RP1: variants seen among roughly 807,000 people sequenced by gnomAD.
RP1 encodes the protein RP1 axonemal microtubule associated.
RP1 carries 16 observed loss-of-function variants against 14.8 expected under a neutral mutation model. The ratio of observed to expected loss-of-function variants is 1.08; its 90% CI spans 0.73 to 1.65. The LOEUF is 1.65. Ranked by LOEUF, RP1 falls within the 40% of genes most tolerant of loss-of-function variation. RP1 has a pLI of 0.00. For missense variants in RP1, 2,631 were observed against 2,535.0 expected, an observed-to-expected ratio of 1.04 and a Z score of -0.81; for synonymous variants, 876 against 883.6, an observed-to-expected ratio of 0.99 and a Z score of 0.15.
intron 17 of RP1, among the ~76,000 whole-genome samples, chr8:54,729,909 TG>T (rs1484447971): frequency 6.6e-6 from 1 of 152,088 alleles, no homozygotes; most frequent in African/African-American, 2.4e-5. Flanking sequence ...TGGTTATTCT[TG>T]TTGTAATTTT....
chr8:54,856,005 A>C (rs954336751), intron 26 of RP1, among the ~76,000 whole-genome samples: 39 of 152,012 alleles, frequency 2.6e-4, no homozygotes, highest in African/African-American at 8.5e-4. Flanking sequence ...CAACATAAAT[A>C]TATGCAGATA....
At chr8:54,700,496 G>T (rs1000952814) in intron 13 of RP1, among the ~76,000 whole-genome samples, 15 of 151,940 alleles carry the variant, frequency 9.9e-5, no homozygotes, top group Non-Finnish European at 1.9e-4. Flanking sequence ...TTTCTTCTCT[G>T]CTCTGGACTT....
At chr8:54,790,409 A>G (rs928547394) in intron 24 of RP1, among the ~76,000 whole-genome samples, 6 of 152,214 alleles carry the variant, frequency 3.9e-5, no homozygotes, top group Non-Finnish European at 8.8e-5. Context: ...ACAGTCACCA[A>G]TGCAAGAATA....
At chr8:54,584,401 C>G (rs7837600) in intron 1 of RP1, among the ~76,000 whole-genome samples, 45,730 of 151,958 alleles carry the variant, frequency 0.3, 8,251 homozygotes, top group Non-Finnish European at 0.41. Flanking sequence ...TGCATTTGCT[C>G]AGGAGTGCTT....
chr8:54,719,646 T>G (rs1265138908), intron 15 of RP1, among the ~76,000 whole-genome samples: 1 of 152,196 alleles, frequency 6.6e-6, no homozygotes, highest in Non-Finnish European at 1.5e-5. Context: ...TCCTCTACAG[T>G]CTTTGCATCA....
intron 7 of RP1, among the ~76,000 whole-genome samples, chr8:54,665,618 C>T (rs1256508622): frequency 6.6e-6 from 1 of 152,170 alleles, no homozygotes; most frequent in Non-Finnish European, 1.5e-5. Context: ...TGGCAAATGC[C>T]TGCACTCCTA....
At chr8:54,756,836 C>T (rs935902310) in intron 21 of RP1, among the ~76,000 whole-genome samples, 16 of 152,124 alleles carry the variant, frequency 1.1e-4, no homozygotes, top group Admixed American at 2.6e-4. Context: ...TATCATGGGA[C>T]GTTACCTGCT....
At chr8:54,787,581 A>G (rs1458528748) in intron 24 of RP1, among the ~76,000 whole-genome samples, 1 of 152,112 alleles carries the variant, frequency 6.6e-6, no homozygotes, top group Non-Finnish European at 1.5e-5. Context: ...TCGGCTTTTT[A>G]TTGCATTTTT....
At chr8:54,717,006 C>T (rs898528413) in intron 15 of RP1, among the ~76,000 whole-genome samples, 2 of 152,066 alleles carry the variant, frequency 1.3e-5, no homozygotes, top group Non-Finnish European at 2.9e-5. Context: ...AGTCATTTGT[C>T]CCAGGCCCCT....
At chr8:54,642,951 T>C (rs1369172036) in intron 3 of RP1, among the ~76,000 whole-genome samples, 3 of 152,186 alleles carry the variant, frequency 2.0e-5, no homozygotes, top group African/African-American at 7.2e-5. Flanking sequence ...TCTTCAGTTA[T>C]AAGGGAGGTT....
At chr8:54,870,022 T>C (rs1812552961) in exon 29 of RP1, 2 of 678,132 alleles carry the variant, frequency 2.9e-6, no homozygotes, top group Non-Finnish European at 4.1e-6. Context: ...TGTCTTTTGC[T>C]TGGGCTGGAG....
intron 19 of RP1, among the ~76,000 whole-genome samples, chr8:54,739,948 G>T (rs1267751493): frequency 6.6e-6 from 1 of 151,738 alleles, no homozygotes; most frequent in Non-Finnish European, 1.5e-5. Flanking sequence ...AACCTACTGT[G>T]CTGCCAGTTG....
intron 1 of RP1, among the ~76,000 whole-genome samples, chr8:54,580,924 T>C (rs1804776087): frequency 6.6e-6 from 1 of 152,192 alleles, no homozygotes; most frequent in African/African-American, 2.4e-5. Flanking sequence ...GCCCAACATA[T>C]ACATTTTTAA....
rs772687396 is a variant in RP1, at chr8:54,624,963, AATG to A, written c.1086_1088del (p.Asp362del). The stretch of plus-strand genomic sequence containing the variant: ...TGTCAGTAAAACTGGTCCTTCTAAT[AATG>A]ATGAAAAGAGTGAGATGAGTTTTCC... On this transcript the variant is annotated inframe_deletion, in exon 4 of 4. Transcript: ENST00000220676. The A allele has an allele frequency of 6.2e-7, 1 of 1,614,192 alleles. No individual in the cohort carries two copies. The highest frequency in any genetic ancestry group is 8.5e-7 in the Non-Finnish European group (1 of 1,180,028).
At chr8:54,708,495 A>G (rs1808212073) in intron 15 of RP1, among the ~76,000 whole-genome samples, 2 of 152,078 alleles carry the variant, frequency 1.3e-5, no homozygotes, top group Admixed American at 1.3e-4. Context: ...TAGGGACTAC[A>G]GGTGCCTGCC....
At chr8:54,663,982 GT>G in intron 7 of RP1, 1 of 864,592 alleles carries the variant, frequency 1.2e-6, no homozygotes. Context: ...TCACATTTCT[GT>G]GCAACAGATC....
At chr8:54,618,130 C>T (rs948722381) in intron 1 of RP1, among the ~76,000 whole-genome samples, 12 of 152,160 alleles carry the variant, frequency 7.9e-5, no homozygotes, top group Non-Finnish European at 1.8e-4. Flanking sequence ...CAACAAGGTG[C>T]CTGGCAACCA....
At chr8:54,818,915 A>G (rs1307680211) in intron 24 of RP1, among the ~76,000 whole-genome samples, 1 of 152,148 alleles carries the variant, frequency 6.6e-6, no homozygotes, top group Non-Finnish European at 1.5e-5. Context: ...AAGTAGGGGC[A>G]GAAAAGAGAA....
rs943208029 is a variant in RP1 at position 54,696,411 on chromosome 8, A to C, written c.1718-3056A>C. 8.6e-6 allele frequency: 6 copies of C among 699,310 alleles called. No individual in the cohort carries two copies. In the African/African-American group the frequency reaches 1.1e-4, roughly 13 times the overall value. The allele number at this position is 699,310 out of a possible 1,614,324, so 43.3% of individuals were successfully genotyped here. ...AACACTAGAAAGATGGCGGAGCAAG[A>C]GCAAAGAAAAAATCCCTTTGTTCCA... On this transcript the variant is annotated intron_variant, in intron 12 of 22. Coordinates refer to the RP1 transcript ENST00000636932.
Sources: gnomAD v4.1 joint callset for allele counts (sites outside exome capture counted in the v4.1 genomes callset) on GRCh38, gnomAD v4.1.1 for gene constraint, MANE v1.5 for transcripts, NCBI Gene and HGNC (gene_info 2026-07-23, HGNC 2026-07-21) for gene names.